CCDC88A: variants seen among roughly 807,000 people sequenced by gnomAD.
CCDC88A encodes girdin.
A neutral mutation model predicts 234.3 loss-of-function variants in CCDC88A; 54 were observed. The observed-to-expected ratio is 0.23, with a 90% CI of 0.19 to 0.29. The LOEUF (loss-of-function observed/expected upper bound fraction) is 0.29, where lower values mean the gene tolerates loss of function less well. Among genes scored for constraint, CCDC88A ranks in the 10% least tolerant of loss-of-function variants. CCDC88A has a pLI of 1.00. For missense variants in CCDC88A, 1,832 were observed against 2,123.4 expected, an observed-to-expected ratio of 0.86 and a Z score of 2.70; for synonymous variants, 753 against 737.8, an observed-to-expected ratio of 1.02 and a Z score of -0.33.
chr2:55,342,199 G>A (rs1249382218), intron 12 of CCDC88A, among the ~76,000 whole-genome samples: 4 of 152,256 alleles, frequency 2.6e-5, no homozygotes, highest in South Asian at 4.1e-4. Flanking sequence ...AATGAAAAGT[G>A]ACTTAAAAAA....
At chr2:55,403,457 ATACCT>A (rs1416644109) in intron 2 of CCDC88A, 1 of 152,246 alleles carries the variant, frequency 6.6e-6, no homozygotes, top group Non-Finnish European at 1.5e-5. Context: ...TTTATTTATT[ATACCT>A]TACAAGTGTG....
intron 2 of CCDC88A, among the ~76,000 whole-genome samples, chr2:55,401,447 A>AATAT (rs1553436255): frequency 2.9e-4 from 8 of 27,152 alleles, no homozygotes; most frequent in South Asian, 7.8e-4. Context: ...AAAAAAAAAA[A>AATAT]ATATATATAT....
intron 10 of CCDC88A, 53 bp downstream of exon 10, chr2:55,346,122 T>C: frequency 7.5e-7 from 1 of 1,330,000 alleles, no homozygotes; most frequent in East Asian, 2.5e-5. Flanking sequence ...TTTAAATGTG[T>C]TAAAATTCTA....
At position 55,363,981 on chromosome 2, in the gene CCDC88A, G is replaced by A. The variant is rs745491323; in HGVS notation, c.455C>T (p.Thr152Ile). ...AATATGTGCGGCAACCGCTGCTTTT[G>A]TATCAAAATCTAAACCTTGAATTCT... ...IERIQGLDFD[T>I]KAAVAAHIQE... Residue 152 changes from threonine (T) to isoleucine (I), a missense_variant, in exon 6 of 33, where the codon ACA (threonine) becomes ATA (isoleucine). Thr to Ile is a moderately conservative substitution (Grantham distance 89). Around this residue, in one of 6 missense-constraint regions of CCDC88A, gnomAD observed 1,282 missense variants for 1,543.6 expected, o/e 0.83. Transcript: ENST00000436346. The A allele has an allele frequency of 2.2e-5, 35 of 1,598,010 alleles. No individual in the cohort carries two copies. Among genetic ancestry groups the A allele is most frequent in the Non-Finnish European group, 2.7e-5 (31 of 1,169,622 alleles).
chr2:55,291,211 G>A (rs1679417181), intron 32 of CCDC88A, 47 bp from the exon 33 acceptor site: 1 of 152,486 alleles, frequency 6.6e-6, no homozygotes, highest in Non-Finnish European at 1.5e-5. Flanking sequence ...TATAAGAAAA[G>A]CTTAAAGATA....
At chr2:55,395,521 T>C (rs1677377259) in intron 2 of CCDC88A, among the ~76,000 whole-genome samples, 1 of 152,238 alleles carries the variant, frequency 6.6e-6, no homozygotes, top group Non-Finnish European at 1.5e-5. Flanking sequence ...GACCATATCT[T>C]CTTATTCATG....
intron 17 of CCDC88A, chr2:55,324,294 C>T (rs375480867): frequency 4.6e-5 from 7 of 152,132 alleles, no homozygotes; most frequent in African/African-American, 1.4e-4. Flanking sequence ...AAGTGTAATT[C>T]GGTAGTTTTG....
chr2:55,404,607 G>C (rs1319929249), intron 2 of CCDC88A: 1 of 152,184 alleles, frequency 6.6e-6, no homozygotes, highest in African/African-American at 2.4e-5. Flanking sequence ...AATGAACCAA[G>C]TTAGAGGAAA....
chr2:55,351,856 C>A (rs115109890), intron 8 of CCDC88A, among the ~76,000 whole-genome samples: 2 of 152,068 alleles, frequency 1.3e-5, no homozygotes, highest in East Asian at 3.9e-4. Flanking sequence ...AATCAAAATG[C>A]GGTATATCCA....
rs188866411 is a variant in CCDC88A at position 55,410,868 on chromosome 2, C to T, written c.164+7948G>A. 2.8e-3 allele frequency among the ~76,000 whole-genome samples: 413 copies of T among 149,138 alleles called. 3 individuals carry two copies. Among genetic ancestry groups the T allele is most frequent in the Non-Finnish European group, 2.4e-3 (163 of 67,602 alleles). On this transcript the variant is annotated intron_variant, in intron 2 of 32. Transcript: ENST00000436346. ...AGATCTCGCCACTGCATTCCAGTCT[C>T]GGCAAGAGAGAGAGGCCTTGTCTCA...
At chr2:55,411,695 G>A (rs745690804) in intron 2 of CCDC88A, among the ~76,000 whole-genome samples, 10 of 147,576 alleles carry the variant, frequency 6.8e-5, no homozygotes, top group South Asian at 4.4e-4. Context: ...CAGGAGAATT[G>A]GTTGAACCTG....
chr2:55,333,777 CTTCT>C (rs1241211070), intron 15 of CCDC88A, among the ~76,000 whole-genome samples: 3 of 151,992 alleles, frequency 2.0e-5, no homozygotes, highest in Non-Finnish European at 4.4e-5. Context: ...AGCTATCATG[CTTCT>C]TTATTATACT....
chr2:55,366,458 C>A (rs968678525), intron 5 of CCDC88A, among the ~76,000 whole-genome samples: 1 of 151,338 alleles, frequency 6.6e-6, no homozygotes, highest in African/African-American at 2.4e-5. Flanking sequence ...ACCCAGGAGG[C>A]GGAGGTTGTA....
At chr2:55,393,376 T>C (rs1374822769) in intron 2 of CCDC88A, among the ~76,000 whole-genome samples, 1 of 133,680 alleles carries the variant, frequency 7.5e-6, no homozygotes, top group Non-Finnish European at 1.6e-5. Context: ...CTGCAACCTC[T>C]GCCTCCAGGG....
intron 11 of CCDC88A, 73 bp downstream of exon 11, chr2:55,344,295 A>G: frequency 2.7e-6 from 3 of 1,117,196 alleles, no homozygotes; most frequent in Non-Finnish European, 3.7e-6. Context: ...ATCCTTGCCA[A>G]TACAGGGAAA....
chr2:55,410,388 A>G (rs1287547812), intron 2 of CCDC88A, among the ~76,000 whole-genome samples: 1 of 152,206 alleles, frequency 6.6e-6, no homozygotes, highest in Non-Finnish European at 1.5e-5. Context: ...TTTAAATTTG[A>G]AACTTTCAAG....
intron 17 of CCDC88A, chr2:55,323,193 A>C (rs1252308387): frequency 6.6e-6 from 1 of 152,212 alleles, no homozygotes; most frequent in Non-Finnish European, 1.5e-5. Flanking sequence ...CTCATCATAC[A>C]TGACCAAATT....
At chr2:55,370,351 A>G (rs1055020975) in intron 5 of CCDC88A, among the ~76,000 whole-genome samples, 2 of 152,042 alleles carry the variant, frequency 1.3e-5, no homozygotes, top group Non-Finnish European at 2.9e-5. Flanking sequence ...CTTCATATGA[A>G]AAAAATTAGG....
At chr2:55,418,745 A>T in intron 2 of CCDC88A, 71 bp downstream of exon 2, 1 of 1,225,770 alleles carries the variant, frequency 8.2e-7, no homozygotes, top group Non-Finnish European at 1.2e-6. Flanking sequence ...GGCTTAAAAC[A>T]TCGTGTCTCA....
Sources: allele counts gnomAD v4.1 joint callset (sites outside exome capture counted in the v4.1 genomes callset), GRCh38; gene constraint gnomAD v4.1.1; regional missense constraint gnomAD v4.1.1; transcripts MANE v1.5; gene names NCBI Gene and HGNC (gene_info 2026-07-23, HGNC 2026-07-21).